MYO10: variants seen among roughly 807,000 people sequenced by gnomAD.
The protein encoded by MYO10 is myosin X, also known as unconventional myosin-X.
A neutral mutation model predicts 257.3 loss-of-function variants in MYO10; 133 were observed. The observed-to-expected ratio is 0.52, with a 90% CI of 0.45 to 0.60. MYO10 has a LOEUF of 0.60. Among genes scored for constraint, MYO10 ranks in the 20% least tolerant of loss-of-function variants. The pLI, the probability that MYO10 is intolerant of heterozygous loss-of-function variation, is 0.00. For missense variants in MYO10, 2,399 were observed against 2,635.7 expected (o/e 0.91, Z 1.97); for synonymous variants, 1,104 against 1,028.6 (o/e 1.07, Z -1.40).
chr5:16,794,640 C>T lies in MYO10; in HGVS notation c.467+6G>A, dbSNP rs561573344. ...GGAAAGTCCGACTGGCTGTGAGCCC[C>T]GTTACCTGATGAGGATGCACTGGTT... On this transcript the variant is annotated splice_donor_region_variant and intron_variant, in intron 4 of 40. Transcript: ENST00000513610. 6.2e-6 allele frequency: 10 copies of T among 1,602,824 alleles called. No homozygotes were observed. The highest frequency in any genetic ancestry group is 4.5e-5 in the East Asian group (2 of 44,468).
intron 4 of MYO10, among the ~76,000 whole-genome samples, chr5:16,787,109 C>T (rs1741607239): frequency 6.6e-6 from 1 of 152,090 alleles, no homozygotes; most frequent in South Asian, 2.1e-4. Context: ...GCGGAGGTTG[C>T]AGTGAGCAGA....
chr5:16,749,364 G>A (rs1010715840), intron 19 of MYO10, among the ~76,000 whole-genome samples: 1 of 151,806 alleles, frequency 6.6e-6, no homozygotes, highest in Non-Finnish European at 1.5e-5. Context: ...GCACATGCCT[G>A]TAATCTTCGC....
In MYO10 at chr5:16,668,409, G is replaced by C. The variant is rs542426164; in HGVS notation, c.5943C>G (p.Ser1981=). The C allele has an allele frequency of 1.2e-6, 2 of 1,613,662 alleles. No individual in the cohort carries two copies. Among genetic ancestry groups the C allele is most frequent in the East Asian group, 2.2e-5 (1 of 44,886 alleles). The change falls in exon 40 of 41, where the codon TCC becomes TCG. Residue 1981 remains serine, a synonymous_variant. Coordinates refer to ENST00000513610, the MANE Select transcript of MYO10 (RefSeq NM_012334.3). ...LWLGVSADAV[S]VYKRGEGRPL... is the part of the protein sequence containing the mutation. ...GTCTTCCCTCTCCACGCTTGTAGAC[G>C]GAGACGGCGTCCGCGCTGACACCCA...
At chr5:16,694,639 G>C in intron 26 of MYO10, 25 bp from the exon 27 acceptor site, 1 of 1,610,976 alleles carries the variant, frequency 6.2e-7, no homozygotes, top group Non-Finnish European at 8.5e-7. Flanking sequence ...ATTGGGTAGA[G>C]AGGGGTGAAA....
chr5:16,813,352 A>G (rs1240966884), intron 3 of MYO10, among the ~76,000 whole-genome samples: 3 of 152,082 alleles, frequency 2.0e-5, no homozygotes, highest in Non-Finnish European at 2.9e-5. Context: ...ATGTTTTATA[A>G]ATTTAAAAAA....
At chr5:16,768,946 G>A in intron 10 of MYO10, 128 bp downstream of exon 10, 1 of 1,188,898 alleles carries the variant, frequency 8.4e-7, no homozygotes, top group Non-Finnish European at 1.1e-6. Flanking sequence ...AAAGTGCTGG[G>A]GTTACAGGCA....
At position 16,681,408 on chromosome 5, in the gene MYO10, AGT is replaced by A; in HGVS notation, c.4283_4284del (p.Tyr1428LeufsTer27). 1 of 1,614,044 alleles carries A rather than the reference AGT, an allele frequency of 6.2e-7. No individual in the cohort carries two copies. The highest frequency in any genetic ancestry group is 8.5e-7 in the Non-Finnish European group (1 of 1,179,898). On this transcript the variant is annotated frameshift_variant, in exon 32 of 41. Coordinates refer to ENST00000513610, the MANE Select transcript of MYO10 (RefSeq NM_012334.3). LOFTEE classifies it high-confidence loss of function. ...WFVLTHNSLD[Y>X]YKSSEKNALK... ...AGCGCGTTCTTCTCTGAACTCTTGTAGTAATCCAGGGAATTGTGGGTGAGTAC... is the reference window on the plus strand; with the variant it reads ...AGCGCGTTCTTCTCTGAACTCTTGTAAATCCAGGGAATTGTGGGTGAGTAC...
At chr5:16,713,355 T>C (rs1052648907) in intron 19 of MYO10, 29 of 985,738 alleles carry the variant, frequency 2.9e-5, no homozygotes, top group Admixed American at 6.2e-5. Flanking sequence ...CCAAGGGGCA[T>C]CTCACCTTCA....
intron 2 of MYO10, among the ~76,000 whole-genome samples, chr5:16,820,868 A>C (rs1205366227): frequency 6.0e-5 from 9 of 149,686 alleles, no homozygotes; most frequent in Admixed American, 1.3e-4. Flanking sequence ...TATATATTTC[A>C]CACATATAAA....
chr5:16,848,155 C>G, intron 2 of MYO10, among the ~76,000 whole-genome samples: 1 of 113,568 alleles, frequency 8.8e-6, no homozygotes, highest in East Asian at 2.6e-4. Flanking sequence ...CTACACATTT[C>G]TTTTTTTTTT....
rs1056344928 is a variant in MYO10 at position 16,676,272 on chromosome 5, G to A, written c.4543-118C>T. 1.4e-5 allele frequency: 17 copies of A among 1,247,820 alleles called. No homozygotes were observed. The East Asian group carries it at 4.2e-4, about 31-fold the overall frequency. 77.3% of individuals were successfully genotyped at this position (1,247,820 alleles called of 1,614,324 possible). On this transcript the variant is annotated intron_variant, in intron 33 of 40. Coordinates refer to ENST00000513610, the MANE Select transcript of MYO10 (RefSeq NM_012334.3). ...GGGGCAAAGATGGTGGAAATCCAGTGTTAGGTGGTTTCATGGACGAAGATA... is the reference window on the plus strand; with the variant it reads ...GGGGCAAAGATGGTGGAAATCCAGTATTAGGTGGTTTCATGGACGAAGATA...
At chr5:16,777,338 C>T (rs776861427) in intron 9 of MYO10, among the ~76,000 whole-genome samples, 11 of 152,134 alleles carry the variant, frequency 7.2e-5, no homozygotes, top group Admixed American at 3.3e-4. Context: ...GGAAAACAAT[C>T]ATGTATATAG....
At chr5:16,811,121 T>A (rs1165296967) in intron 3 of MYO10, among the ~76,000 whole-genome samples, 2 of 144,664 alleles carry the variant, frequency 1.4e-5, no homozygotes, top group African/African-American at 2.6e-5. Flanking sequence ...GTGGGGTCTG[T>A]GTACCATCAG....
chr5:16,711,549 C>T (rs751118674), intron 19 of MYO10, among the ~76,000 whole-genome samples: 19 of 152,044 alleles, frequency 1.2e-4, no homozygotes, highest in Non-Finnish European at 1.8e-4. Context: ...TTCGGGAGGC[C>T]GAGGCGGGTG....
chr5:16,826,995 T>C (rs1228459523), intron 2 of MYO10, among the ~76,000 whole-genome samples: 7 of 152,228 alleles, frequency 4.6e-5, no homozygotes, highest in Non-Finnish European at 8.8e-5. Flanking sequence ...TTTATACTTT[T>C]ATGGCGTTCC....
intron 26 of MYO10, among the ~76,000 whole-genome samples, chr5:16,697,251 G>A (rs534704425): frequency 1.3e-5 from 2 of 152,068 alleles, no homozygotes; most frequent in African/African-American, 4.8e-5. Context: ...TTTCTAAGAG[G>A]AGCAGGTGAA....
At chr5:16,919,068 C>T (rs186121424) in intron 1 of MYO10, among the ~76,000 whole-genome samples, 14 of 152,092 alleles carry the variant, frequency 9.2e-5, no homozygotes, top group Non-Finnish European at 2.1e-4. Context: ...AGTCTCTATT[C>T]TTCCGACTTC....
intron 1 of MYO10, among the ~76,000 whole-genome samples, chr5:16,907,933 TA>T (rs1458901470): frequency 1.3e-5 from 2 of 152,208 alleles, no homozygotes; most frequent in African/African-American, 4.8e-5. Flanking sequence ...GATGATCACT[TA>T]AAACTAAGGC....
intron 19 of MYO10, among the ~76,000 whole-genome samples, chr5:16,718,824 G>C (rs1280502467): frequency 6.6e-6 from 1 of 151,992 alleles, no homozygotes; most frequent in Non-Finnish European, 1.5e-5. Context: ...CTGCTCTGGT[G>C]GGGCCTTGGA....
Sources: gnomAD v4.1 joint callset for allele counts (sites outside exome capture counted in the v4.1 genomes callset) on GRCh38, gnomAD v4.1.1 for gene constraint, MANE v1.5 for transcripts, NCBI Gene and HGNC (gene_info 2026-07-23, HGNC 2026-07-21) for gene names.